The following MYRFL variants were observed in gnomAD, a reference collection of about 807,000 sequenced individuals.
MYRFL encodes the protein myelin regulatory factor-like protein.
In MYRFL, 88 loss-of-function variants were observed where a neutral mutation model predicts 109.4. The ratio of observed to expected loss-of-function variants is 0.80; its 90% CI spans 0.68 to 0.96. The LOEUF (loss-of-function observed/expected upper bound fraction) is 0.96. MYRFL is among the 40% of genes least tolerant of loss of function. MYRFL has a pLI of 0.00. For missense variants in MYRFL, 957 were observed against 954.9 expected (o/e 1.00, Z -0.03); for synonymous variants, 324 against 320.9 (o/e 1.01, Z -0.10).
intron 11 of MYRFL, among the ~76,000 whole-genome samples, chr12:69,905,106 G>A (rs1297559323): frequency 3.3e-5 from 5 of 152,312 alleles, no homozygotes; most frequent in South Asian, 2.1e-4. Context: ...CCTAGATATT[G>A]TGACTTTGAA....
chr12:69,907,039 C>A (rs771776297), intron 11 of MYRFL, among the ~76,000 whole-genome samples: 6 of 152,196 alleles, frequency 3.9e-5, no homozygotes, highest in Non-Finnish European at 8.8e-5. Context: ...CAAGGCACAG[C>A]AGTAAGTGCT....
At position 69,958,732 on chromosome 12, in the gene MYRFL, T is replaced by G; in HGVS notation, c.*201T>G. On this transcript the variant is annotated 3_prime_UTR_variant, in exon 25 of 25. Coordinates refer to ENST00000552032, the MANE Select transcript of MYRFL (RefSeq NM_182530.3). ...ATGTTTGCTGAAACTTGAAATAATG[T>G]GATGTTTGATTTTGCCATGACTATG... The G allele has an allele frequency of 3.9e-6, 2 of 519,438 alleles. No individual in the cohort carries two copies. The highest frequency in any genetic ancestry group is 3.4e-6 in the Non-Finnish European group (1 of 297,422). 32.2% of individuals were successfully genotyped at this position (519,438 alleles called of 1,614,324 possible). A position where few individuals can be genotyped will look rare whatever the true frequency, so the allele number is the denominator to read the frequency against.
intron 2 of MYRFL, among the ~76,000 whole-genome samples, chr12:69,862,375 C>T (rs1884737925): frequency 6.6e-6 from 1 of 152,138 alleles, no homozygotes; most frequent in South Asian, 2.1e-4. Flanking sequence ...TTCTTCCTAC[C>T]CATGAGCATG....
chr12:69,912,133 T>G (rs1395715945), intron 13 of MYRFL, among the ~76,000 whole-genome samples: 1 of 152,232 alleles, frequency 6.6e-6, no homozygotes, highest in Non-Finnish European at 1.5e-5. Flanking sequence ...AGCCCAGGGC[T>G]GCAAGAGCAC....
Position 69,910,913 on chromosome 12 carries a change from T to C in MYRFL, c.1585T>C (p.Phe529Leu), listed in dbSNP as rs1391425930. ...TCGNGETLENFLMVDKDQIFM... is the reference protein window; with the variant it reads ...TCGNGETLENLLMVDKDQIFM... ...CGGAAACGGAGAGACCTTGGAGAAC[T>C]TCCTCATGGTGGATAAGGTAATCAC... The change falls in exon 13 of 25, where the codon TTC (phenylalanine) becomes CTC (leucine). Residue 529 changes from phenylalanine (F) to leucine (L), a missense_variant. By Grantham distance (22) the Phe-to-Leu change is conservative. Transcript: ENST00000552032. The C allele has an allele frequency of 6.5e-7, 1 of 1,534,296 alleles. No individual in the cohort carries two copies.
chr12:69,880,451 TTCATGCAGGCGGGG>T (rs1188562506), intron 5 of MYRFL, among the ~76,000 whole-genome samples, 159 bp downstream of exon 5: 1 of 152,204 alleles, frequency 6.6e-6, no homozygotes, highest in East Asian at 1.9e-4. Flanking sequence ...TGATGTACCT[TTCATGCAGGCGGGG>T]TCACACAGGT....
At chr12:69,833,840 T>TG (rs547119361) in intron 1 of MYRFL, among the ~76,000 whole-genome samples, 9 of 151,316 alleles carry the variant, frequency 5.9e-5, no homozygotes, top group Non-Finnish European at 1.3e-4. Context: ...TTTTTTTTTT[T>TG]TTTTTTTCGG....
intron 6 of MYRFL, 55 bp downstream of exon 6, chr12:69,887,025 A>G: frequency 6.6e-7 from 1 of 1,506,418 alleles, no homozygotes. Context: ...GCTAAATCTC[A>G]GTACTGAGTT....
At chr12:69,939,798 A>T (rs569379549) in intron 19 of MYRFL, among the ~76,000 whole-genome samples, 16 of 152,024 alleles carry the variant, frequency 1.1e-4, no homozygotes, top group African/African-American at 3.9e-4. Flanking sequence ...ACTTTGAAAA[A>T]AATTTAGAAG....
chr12:69,929,316 C>G (rs1278789379), intron 15 of MYRFL, among the ~76,000 whole-genome samples: 1 of 152,086 alleles, frequency 6.6e-6, no homozygotes, highest in Non-Finnish European at 1.5e-5. Flanking sequence ...AAGGATGAGT[C>G]AGGTCTCTTC....
intron 2 of MYRFL, among the ~76,000 whole-genome samples, chr12:69,870,411 G>A (rs1312605437): frequency 6.6e-6 from 1 of 152,048 alleles, no homozygotes; most frequent in Non-Finnish European, 1.5e-5. Flanking sequence ...ATGACCCATA[G>A]TGTCTGTTGC....
rs546102480 is a variant in MYRFL, at chr12:69,908,018, C to A, written c.1384-1951C>A. Reference sequence around the variant, plus strand: ...AATGCCAAATTCTGCCTTTGTTCTGCAGATGTCATTCAGGGCATTTGCTGT... The same window carrying A: ...AATGCCAAATTCTGCCTTTGTTCTGAAGATGTCATTCAGGGCATTTGCTGT... On this transcript the variant is annotated intron_variant, in intron 11 of 24. Coordinates refer to ENST00000552032, the MANE Select transcript of MYRFL (RefSeq NM_182530.3). 3.9e-5 allele frequency among the ~76,000 whole-genome samples: 6 copies of A among 152,258 alleles called. No homozygotes were observed. The South Asian group carries it at 1.2e-3, about 32-fold the overall frequency.
chr12:69,932,075 G>T (rs2120466683), intron 15 of MYRFL, among the ~76,000 whole-genome samples: 1 of 152,236 alleles, frequency 6.6e-6, no homozygotes, highest in Admixed American at 6.5e-5. Context: ...TTCATAATTT[G>T]TCATGATACC....
chr12:69,891,637 T>TTTTCTTTCTTTC (rs3970813), intron 7 of MYRFL, among the ~76,000 whole-genome samples: 3,549 of 53,502 alleles, frequency 0.066, 244 homozygotes, highest in South Asian at 0.09. Flanking sequence ...CTTCCTTTCT[T>TTTTCTTTCTTTC]TTTCTTTCTT....
At chr12:69,898,256 A>C (rs1313719853) in intron 10 of MYRFL, among the ~76,000 whole-genome samples, 1 of 152,204 alleles carries the variant, frequency 6.6e-6, no homozygotes, top group African/African-American at 2.4e-5. Context: ...TCCTTTTGTC[A>C]ATTAAAATTA....
chr12:69,846,954 A>G (rs970793555), intron 1 of MYRFL, among the ~76,000 whole-genome samples: 3 of 151,842 alleles, frequency 2.0e-5, no homozygotes, highest in South Asian at 2.1e-4. Context: ...GCCAGTGATG[A>G]TGAGCATTTT....
Position 69,955,439 on chromosome 12 carries a change from T to C in MYRFL, c.2450+2T>C. 1 of 632,028 alleles carries C rather than the reference T, an allele frequency of 1.6e-6. No homozygotes were observed. The allele number at this position is 632,028 out of a possible 1,614,324, so 39.2% of individuals were successfully genotyped here. A position where few individuals can be genotyped will look rare whatever the true frequency, so the allele number is the denominator to read the frequency against. On this transcript the variant is annotated splice_donor_variant, in intron 22 of 24. Transcript: ENST00000552032. LOFTEE classifies it high-confidence loss of function. ...TGTCAAGTTCTCTCTGGAAATAAAG[T>C]AAGTGCATGGCTGTAAAAAACAATT...
At chr12:69,829,964 TTC>T (rs1882524494) in intron 1 of MYRFL, among the ~76,000 whole-genome samples, 1 of 152,012 alleles carries the variant, frequency 6.6e-6, no homozygotes, top group Admixed American at 6.6e-5. Context: ...AGTCTCTCAA[TTC>T]TCTGTCTTTG....
intron 1 of MYRFL, among the ~76,000 whole-genome samples, chr12:69,833,548 C>G (rs2136313945): frequency 6.6e-6 from 1 of 152,274 alleles, no homozygotes; most frequent in African/African-American, 2.4e-5. Context: ...GGATATTGTA[C>G]TAAGACTTTA....
Sources: gnomAD v4.1 joint callset for allele counts (sites outside exome capture counted in the v4.1 genomes callset) on GRCh38, gnomAD v4.1.1 for gene constraint, MANE v1.5 for transcripts, NCBI Gene and HGNC (gene_info 2026-07-23, HGNC 2026-07-21) for gene names.